The following ANK3 variants were observed in gnomAD, a reference collection of about 807,000 sequenced individuals.
ANK3 encodes ankyrin-3.
Under a neutral mutation model 370.9 loss-of-function variants are expected in ANK3, and 57 were observed. The observed-to-expected ratio is 0.15, with a 90% confidence interval of 0.12 to 0.19. The LOEUF is 0.19. Among genes scored for constraint, ANK3 ranks in the 10% least tolerant of loss-of-function variants. The probability of loss-of-function intolerance (pLI) is 1.00; values close to 1 mark genes in which losing one functional copy is unlikely to be tolerated. For missense variants in ANK3, 4,439 were observed against 5,302.1 expected (o/e 0.84, Z 5.06); for synonymous variants, 1,929 against 1,946.3 (o/e 0.99, Z 0.23).
intron 2 of ANK3, 49 bp downstream of exon 2, chr10:60,279,489 T>C: frequency 6.9e-7 from 1 of 1,456,174 alleles, no homozygotes; most frequent in Non-Finnish European, 9.4e-7. Flanking sequence ...GCTTGAAGTC[T>C]GGATTTTTAG....
intron 2 of ANK3, among the ~76,000 whole-genome samples, chr10:60,416,904 A>T (rs2063680483): frequency 6.6e-6 from 1 of 152,228 alleles, no homozygotes; most frequent in African/African-American, 2.4e-5. Flanking sequence ...TTTAAGATAT[A>T]TAAATTACAC....
At chr10:60,137,389 AAAAC>A in intron 24 of ANK3, 1 of 367,602 alleles carries the variant, frequency 2.7e-6, no homozygotes, top group Non-Finnish European at 5.3e-6. Flanking sequence ...AAAAAAAAAA[AAAAC>A]AAGAAATAGA....
At chr10:60,116,554 T>G (rs1280131299) in intron 25 of ANK3, among the ~76,000 whole-genome samples, 1 of 151,416 alleles carries the variant, frequency 6.6e-6, no homozygotes, top group East Asian at 1.9e-4. Flanking sequence ...TAGAGAGAGA[T>G]GAGATATTTT....
At position 60,615,226 on chromosome 10, in the gene ANK3, T is replaced by G; in HGVS notation, c.58-2A>C. On this transcript the variant is annotated splice_acceptor_variant, in intron 1 of 43. Transcript: ENST00000373827. LOFTEE classifies it high-confidence loss of function. ...TGAATAATCTGATCCAAAGCCACCC[T>G]AAAAAAGTAAAGAAACAAACATTTA... 6.6e-7 allele frequency: 1 copy of G among 1,515,408 alleles called. No individual in the cohort carries two copies. The highest frequency in any genetic ancestry group is 8.8e-7 in the Non-Finnish European group (1 of 1,139,162). The allele number at this position is 1,515,408 out of a possible 1,614,324, so 93.9% of individuals were successfully genotyped here.
chr10:60,065,729 C>T (rs974690089), intron 38 of ANK3, among the ~76,000 whole-genome samples: 5 of 152,046 alleles, frequency 3.3e-5, no homozygotes, highest in Admixed American at 2.6e-4. Flanking sequence ...CAGATCTCCC[C>T]GGAACAGAAT....
intron 1 of ANK3, among the ~76,000 whole-genome samples, chr10:60,366,860 G>A (rs2059453295): frequency 6.6e-6 from 1 of 151,844 alleles, no homozygotes; most frequent in Admixed American, 6.6e-5. Flanking sequence ...TATTTTTTCG[G>A]TTTCCCCTTC....
chr10:60,573,750 C>T (rs978670000), intron 2 of ANK3, among the ~76,000 whole-genome samples: 1 of 152,160 alleles, frequency 6.6e-6, no homozygotes, highest in Admixed American at 6.5e-5. Flanking sequence ...GGAGCAACCA[C>T]AGACAACCAC....
chr10:60,287,381 T>C (rs934246837), intron 1 of ANK3, among the ~76,000 whole-genome samples: 2 of 152,142 alleles, frequency 1.3e-5, no homozygotes, highest in Non-Finnish European at 2.9e-5. Flanking sequence ...TACTGTATAA[T>C]GTCCAGATCA....
intron 1 of ANK3, among the ~76,000 whole-genome samples, chr10:60,360,571 T>C (rs541454078): frequency 1.3e-5 from 2 of 152,176 alleles, no homozygotes; most frequent in East Asian, 1.9e-4. Context: ...TAGCTGGGCA[T>C]AGTGGTATGC....
intron 2 of ANK3, among the ~76,000 whole-genome samples, chr10:60,417,309 C>G (rs573566480): frequency 6.6e-6 from 1 of 152,094 alleles, no homozygotes; most frequent in Non-Finnish European, 1.5e-5. Flanking sequence ...AGCAACTTGA[C>G]GGGGGGTCAG....
intron 18 of ANK3, 104 bp from the exon 19 acceptor site, chr10:60,173,290 G>A (rs969268758): frequency 3.4e-6 from 3 of 883,248 alleles, no homozygotes; most frequent in Non-Finnish European, 5.0e-6. Context: ...TTTTTGAGCT[G>A]GCAAAAGTAG....
At chr10:60,308,784 T>C (rs1347659641) in intron 1 of ANK3, among the ~76,000 whole-genome samples, 1 of 152,124 alleles carries the variant, frequency 6.6e-6, no homozygotes, top group East Asian at 1.9e-4. Context: ...TTGCTTTTAC[T>C]AATATGACTG....
At chr10:60,218,212 T>A (rs1041691879) in intron 8 of ANK3, among the ~76,000 whole-genome samples, 1 of 150,854 alleles carries the variant, frequency 6.6e-6, no homozygotes, top group Admixed American at 6.6e-5. Context: ...TAGAGCACAC[T>A]GATGGGTCTT....
In ANK3 at chr10:60,073,001, G is replaced by C. The variant is rs2083047494; in HGVS notation, c.7880C>G (p.Thr2627Ser). Residue 2627 changes from threonine to serine, a missense_variant, in exon 37 of 44, where the codon ACC becomes AGC. By Grantham distance (58) the Thr-to-Ser change is moderately conservative. Around this residue, in one of 13 missense-constraint regions of ANK3, gnomAD observed 1,601 missense variants for 1,731.7 expected, o/e 0.92. Coordinates refer to ENST00000280772, the MANE Select transcript of ANK3 (RefSeq NM_020987.5). Reference protein sequence around the residue: ...NGKEYSSQSPTSSSPEKVLLT... With the variant: ...NGKEYSSQSPSSSSPEKVLLT... ...TAGCACTTTCTCAGGGCTGCTACTGGTAGGGCTTTGAGAAGAATATTCTTT... is the reference window on the plus strand; with the variant it reads ...TAGCACTTTCTCAGGGCTGCTACTGCTAGGGCTTTGAGAAGAATATTCTTT... The C allele has an allele frequency of 1.2e-6, 2 of 1,614,098 alleles. No individual in the cohort carries two copies. Among genetic ancestry groups the C allele is most frequent in the Non-Finnish European group, 1.7e-6 (2 of 1,180,002 alleles).
intron 2 of ANK3, among the ~76,000 whole-genome samples, chr10:60,541,248 G>T (rs776738784): frequency 1.4e-4 from 21 of 151,906 alleles, no homozygotes; most frequent in Non-Finnish European, 2.8e-4. Context: ...ACTCTTCATT[G>T]AGATTTCATC....
At chr10:60,081,834 A>G (rs1338923137) in intron 35 of ANK3, 3 of 240,172 alleles carry the variant, frequency 1.2e-5, no homozygotes, top group Non-Finnish European at 2.4e-5. Context: ...CTTTCTCACT[A>G]TTGCACTTGA....
intron 2 of ANK3, among the ~76,000 whole-genome samples, chr10:60,585,915 T>C (rs894621675): frequency 5.9e-5 from 9 of 151,932 alleles, no homozygotes; most frequent in Non-Finnish European, 1.3e-4. Context: ...TCCCAGCTAC[T>C]TGGGAGGCTA....
At chr10:60,266,170 CA>C (rs936147243) in intron 5 of ANK3, among the ~76,000 whole-genome samples, 1 of 152,050 alleles carries the variant, frequency 6.6e-6, no homozygotes, top group Non-Finnish European at 1.5e-5. Context: ...CAAGATGTCA[CA>C]AAAACGATAT....
intron 42 of ANK3, among the ~76,000 whole-genome samples, chr10:60,055,234 T>C (rs1430405608): frequency 6.6e-6 from 1 of 152,188 alleles, no homozygotes. Context: ...TCAGATGCTA[T>C]AGACTGTTTA....
Sources: allele counts gnomAD v4.1 joint callset (sites outside exome capture counted in the v4.1 genomes callset), GRCh38; gene constraint gnomAD v4.1.1; regional missense constraint gnomAD v4.1.1; transcripts MANE v1.5; gene names NCBI Gene and HGNC (gene_info 2026-07-23, HGNC 2026-07-21).